Variants in STIM2 observed in about 807,000 individuals in gnomAD.
The protein encoded by STIM2 is stromal interaction molecule 2.
A neutral mutation model predicts 85.8 loss-of-function variants in STIM2; 31 were observed. The observed-to-expected ratio is 0.36, with a 90% CI of 0.27 to 0.49. The LOEUF is 0.49. STIM2 is among the 20% of genes least tolerant of loss of function. The pLI is 0.98. For missense variants in STIM2, 841 were observed against 927.6 expected, an observed-to-expected ratio of 0.91 and a Z score of 1.21; for synonymous variants, 356 against 331.1, an observed-to-expected ratio of 1.08 and a Z score of -0.82.
intron 2 of STIM2, among the ~76,000 whole-genome samples, chr4:26,940,571 T>G (rs1374474768): frequency 1.3e-5 from 2 of 152,192 alleles, no homozygotes; most frequent in African/African-American, 4.8e-5. Context: ...TATCACTGTT[T>G]TACCTACAAC....
chr4:26,929,897 A>G (rs1725141636), intron 2 of STIM2, among the ~76,000 whole-genome samples: 1 of 152,046 alleles, frequency 6.6e-6, no homozygotes, highest in Non-Finnish European at 1.5e-5. Flanking sequence ...GGGGGCTGTA[A>G]TGTTCTATAG....
At chr4:26,929,600 T>C (rs896646862) in intron 2 of STIM2, among the ~76,000 whole-genome samples, 4 of 152,166 alleles carry the variant, frequency 2.6e-5, no homozygotes, top group Admixed American at 6.6e-5. Context: ...GAAAAGTATT[T>C]AGCATTTGAA....
At chr4:26,927,718 A>G (rs1361393154) in intron 2 of STIM2, among the ~76,000 whole-genome samples, 2 of 138,594 alleles carry the variant, frequency 1.4e-5, no homozygotes, top group African/African-American at 5.5e-5. Context: ...CTTGAATAAA[A>G]AAAAAAACTG....
At chr4:27,003,869 G>A (rs538594265) in intron 7 of STIM2, among the ~76,000 whole-genome samples, 5 of 152,156 alleles carry the variant, frequency 3.3e-5, no homozygotes, top group East Asian at 1.9e-4. Flanking sequence ...ATGCCCCTTC[G>A]TCTGTCTTGA....
chr4:26,862,257 A>G (rs1348806378), intron 1 of STIM2, among the ~76,000 whole-genome samples: 2 of 151,964 alleles, frequency 1.3e-5, no homozygotes, highest in African/African-American at 4.8e-5. Context: ...TTTAAGTAAA[A>G]GTTATTATAT....
intron 2 of STIM2, among the ~76,000 whole-genome samples, chr4:26,923,429 C>T (rs1283765791): frequency 2.0e-5 from 3 of 151,736 alleles, no homozygotes; most frequent in Admixed American, 6.6e-5. Context: ...CCAAACTAAG[C>T]TTCGTAAGTG....
intron 2 of STIM2, among the ~76,000 whole-genome samples, chr4:26,931,690 A>AAAGGG (rs1301477467): frequency 2.6e-5 from 4 of 152,212 alleles, no homozygotes; most frequent in Non-Finnish European, 5.9e-5. Flanking sequence ...CAAGCAGGGC[A>AAAGGG]AAGGGAAGGG....
chr4:27,025,061 G>C lies in STIM2; in HGVS notation c.*2065G>C, dbSNP rs571675697. ...TAGAGTGGAGGAGGCTGGCCAAAGA[G>C]ACTGTGGGCTGTTTTCAGTCAGGGA... On this transcript the variant is annotated 3_prime_UTR_variant, in exon 12 of 12. Coordinates refer to ENST00000467087, the MANE Select transcript of STIM2 (RefSeq NM_020860.4). 6.6e-6 allele frequency: 1 copy of C among 152,296 alleles called. No individual in the cohort carries two copies. The highest frequency in any genetic ancestry group is 2.1e-4 in the South Asian group (1 of 4,826). 9.4% of individuals were successfully genotyped at this position (152,296 alleles called of 1,614,324 possible).
At chr4:26,985,713 C>T (rs1017244402) in intron 3 of STIM2, among the ~76,000 whole-genome samples, 1 of 152,114 alleles carries the variant, frequency 6.6e-6, no homozygotes, top group Non-Finnish European at 1.5e-5. Context: ...CTCTACTCTC[C>T]TGTCTCAGGA....
intron 1 of STIM2, among the ~76,000 whole-genome samples, chr4:26,886,653 A>G (rs1450125662): frequency 1.3e-5 from 2 of 152,094 alleles, no homozygotes; most frequent in African/African-American, 4.8e-5. Flanking sequence ...AGAGTAAGCA[A>G]TGGAGAGAGT....
At chr4:26,966,392 C>A (rs1381690318) in intron 3 of STIM2, among the ~76,000 whole-genome samples, 2 of 152,084 alleles carry the variant, frequency 1.3e-5, no homozygotes, top group Non-Finnish European at 2.9e-5. Context: ...TTATATTCTA[C>A]TTTATGTAGA....
intron 1 of STIM2, among the ~76,000 whole-genome samples, chr4:26,914,119 TG>T (rs1187014120): frequency 6.6e-6 from 1 of 152,240 alleles, no homozygotes; most frequent in African/African-American, 2.4e-5. Context: ...AATTTATTAA[TG>T]TTTTTTTCTC....
chr4:26,934,772 G>A (rs1229779229), intron 2 of STIM2, among the ~76,000 whole-genome samples: 1 of 152,000 alleles, frequency 6.6e-6, no homozygotes, highest in Non-Finnish European at 1.5e-5. Context: ...AATTAGATGG[G>A]CATATTGGCA....
rs373462253 is a variant in STIM2 at position 26,999,284 on chromosome 4, C to A, written c.562C>A (p.Arg188=). Residue 188 remains arginine, a synonymous_variant, in exon 5 of 12, where the codon CGG becomes AGG. Transcript: ENST00000467087. Reference sequence around the variant, plus strand: ...GATCTCCCAGTTGAAAATCAGTGACCGGAGTCACAGACAAAAACTTCAGCT... The same window carrying A: ...GATCTCCCAGTTGAAAATCAGTGACAGGAGTCACAGACAAAAACTTCAGCT... 6.2e-7 allele frequency: 1 copy of A among 1,609,034 alleles called. No homozygotes were observed. The highest frequency in any genetic ancestry group is 8.5e-7 in the Non-Finnish European group (1 of 1,177,566).
chr4:26,977,733 C>T (rs76134459), intron 3 of STIM2, among the ~76,000 whole-genome samples: 2 of 151,914 alleles, frequency 1.3e-5, no homozygotes, highest in Admixed American at 6.6e-5. Context: ...AGGAAAAAAC[C>T]CAGAAATCTG....
intron 3 of STIM2, among the ~76,000 whole-genome samples, chr4:26,970,110 A>G (rs181120444): frequency 1.3e-5 from 2 of 150,274 alleles, no homozygotes; most frequent in East Asian, 1.9e-4. Flanking sequence ...AACCTCTTCA[A>G]TGTCTGACTT....
intron 1 of STIM2, among the ~76,000 whole-genome samples, chr4:26,917,144 A>AT (rs1446503427): frequency 6.6e-6 from 1 of 152,218 alleles, no homozygotes; most frequent in Non-Finnish European, 1.5e-5. Flanking sequence ...CACATAAGCA[A>AT]TTAAAGCTTA....
intron 3 of STIM2, among the ~76,000 whole-genome samples, chr4:26,970,885 C>T (rs1211533537): frequency 6.6e-6 from 1 of 152,130 alleles, no homozygotes; most frequent in Non-Finnish European, 1.5e-5. Context: ...CCTATTTCTC[C>T]ACATCCTCTC....
At chr4:26,919,407 A>T (rs1276684712) in intron 1 of STIM2, 97 bp from the exon 2 acceptor site, 1 of 1,510,608 alleles carries the variant, frequency 6.6e-7, no homozygotes, top group African/African-American at 1.4e-5. Context: ...ACTTAGTCTG[A>T]AGTTTAATTC....
Sources: gnomAD v4.1 joint callset for allele counts (sites outside exome capture counted in the v4.1 genomes callset) on GRCh38, gnomAD v4.1.1 for gene constraint, MANE v1.5 for transcripts, NCBI Gene and HGNC (gene_info 2026-07-23, HGNC 2026-07-21) for gene names.